Variants in POLE observed in about 807,000 individuals in gnomAD.
POLE encodes DNA polymerase epsilon, catalytic subunit, also known as DNA polymerase epsilon catalytic subunit A.
Under a neutral mutation model 279.2 loss-of-function variants are expected in POLE, and 188 were observed. The observed-to-expected ratio is 0.67, with a 90% CI of 0.60 to 0.76. The LOEUF (loss-of-function observed/expected upper bound fraction) is 0.76. Ranked by LOEUF, POLE falls within the 30% of genes least tolerant of loss-of-function variation. The pLI is 0.00. For synonymous variants in POLE, 1,214 were observed against 1,172.5 expected (o/e 1.04, Z -0.72); for missense variants, 2,703 against 3,016.7 (o/e 0.90, Z 2.44).
Position 132,657,869 on chromosome 12 carries a change from G to A in POLE, c.3377C>T (p.Ala1126Val), listed in dbSNP as rs373707446. 5.6e-6 allele frequency: 9 copies of A among 1,604,968 alleles called. No individual in the cohort carries two copies. The African/African-American group carries it at 9.3e-5, about 17-fold the overall frequency. ...GTAGAGAACGCAACTGGCACTCACTGCTCGAATATCAAAGTCTTGAAGGGA... is the reference window on the plus strand; with the variant it reads ...GTAGAGAACGCAACTGGCACTCACTACTCGAATATCAAAGTCTTGAAGGGA... ...SSSLQDFDIR[A>V]ILDWDYYIER... The change falls in exon 27 of 49, where the codon GCA becomes GTA. Residue 1126 changes from alanine (A) to valine (V), a missense_variant and splice_region_variant. By Grantham distance (64) the Ala-to-Val change is moderately conservative (BLOSUM62 0). Around this residue, in one of 5 missense-constraint regions of POLE, gnomAD observed 1,551 missense variants for 1,686.1 expected, o/e 0.92. Transcript: ENST00000320574.
intron 6 of POLE, 124 bp downstream of exon 6, chr12:132,679,370 AATT>A: frequency 1.2e-6 from 1 of 864,488 alleles, no homozygotes; most frequent in Non-Finnish European, 1.8e-6. Context: ...ATCTCTACCT[AATT>A]GCTCAAGTTT....
At chr12:132,638,702 C>A (rs1194405139) in intron 40 of POLE, 4 of 187,140 alleles carry the variant, frequency 2.1e-5, no homozygotes, top group Non-Finnish European at 4.5e-5. Context: ...GCAATTACCC[C>A]ACGGATCTAT....
Position 132,626,743 on chromosome 12 carries a change from AAG to A in POLE, c.6331-428_6331-427del, listed in dbSNP as rs559912017. Among the ~76,000 whole-genome samples the A allele has an allele frequency of 3.2e-3, 487 of 152,332 alleles. 1 individual carries two copies. The highest frequency in any genetic ancestry group is 5.7e-3 in the Non-Finnish European group (391 of 68,034). ...CGAAAAAAAGAATACATAATCCAGA[AAG>A]AGACTCACATAGATAAGGTTACTAA... On this transcript the variant is annotated intron_variant, in intron 45 of 48. Transcript: ENST00000320574.
Position 132,643,959 on chromosome 12 carries a change from G to A in POLE, c.4168C>T (p.Arg1390Cys), listed in dbSNP as rs768504121. ...SYRKVNRVLP[R>C]SNMVYNLYEY... ...TAGAGATTGTAGACCATGTTGGAGC[G>A]AGGAAGGACCCGATTTACCTGGCGA... Residue 1390 changes from arginine (R) to cysteine (C), a missense_variant, in exon 33 of 49, where the codon CGC (arginine) becomes TGC (cysteine). By Grantham distance (180) the Arg-to-Cys change is radical. Coordinates refer to ENST00000320574, the MANE Select transcript of POLE (RefSeq NM_006231.4). 7.9e-5 allele frequency: 127 copies of A among 1,613,364 alleles called. No homozygotes were observed. The highest frequency in any genetic ancestry group is 1.6e-4 in the Middle Eastern group (1 of 6,078).
chr12:132,624,563 C>A lies in POLE; in HGVS notation c.*134G>T. 1.4e-6 allele frequency: 1 copy of A among 705,760 alleles called. No homozygotes were observed. Among genetic ancestry groups the A allele is most frequent in the South Asian group, 1.6e-5 (1 of 63,614 alleles). 43.7% of individuals were successfully genotyped at this position (705,760 alleles called of 1,614,324 possible). A position where few individuals can be genotyped will look rare whatever the true frequency, so the allele number is the denominator to read the frequency against. On this transcript the variant is annotated 3_prime_UTR_variant, in exon 49 of 49. Transcript: ENST00000320574. ...GAAAATGGTTTTCTTTGGTTTCCTC[C>A]CCGTTCCCTGGCCTGGGGTCACAGG...
rs368789955 is a variant in POLE at position 132,668,862 on chromosome 12, G to A, written c.1872C>T (p.His624=). ...TGGGGTACATGGCCCCCACGTCCAG[G>A]TGGTAGATGAGTGGACACTCGATGC... The part of the protein sequence containing the change: ...PSRIECPLIY[H]LDVGAMYPNI... The change falls in exon 17 of 49, where the codon CAC becomes CAT. Residue 624 remains histidine, a synonymous_variant. Coordinates refer to ENST00000320574, the MANE Select transcript of POLE (RefSeq NM_006231.4). This position sits in a 1 kb window ranked among gnomAD's most constrained non-coding sequence, Gnocchi z 4.0. 1.9e-6 allele frequency: 3 copies of A among 1,613,992 alleles called. No homozygotes were observed. The highest frequency in any genetic ancestry group is 2.5e-6 in the Non-Finnish European group (3 of 1,179,974).
rs1031890585 is a variant in POLE, at chr12:132,675,235, G to C, written c.1226+163C>G. On this transcript the variant is annotated intron_variant, in intron 12 of 48. Coordinates refer to ENST00000320574, the MANE Select transcript of POLE (RefSeq NM_006231.4). This position sits in a 1 kb window ranked among gnomAD's most constrained non-coding sequence, Gnocchi z 4.3. ...TCAACAGTCAAAGACAGCACATCCC[G>C]GGCCCTGGCAGGGTTGCAGCTGCCA... Among the ~76,000 whole-genome samples, 3 of 152,192 alleles carry C rather than the reference G, an allele frequency of 2.0e-5. No homozygotes were observed. Among genetic ancestry groups the C allele is most frequent in the Admixed American group, 2.0e-4 (3 of 15,286 alleles).
At chr12:132,679,776 T>A in intron 5 of POLE, 125 bp from the exon 6 acceptor site, 1 of 1,172,328 alleles carries the variant, frequency 8.5e-7, no homozygotes, top group Non-Finnish European at 1.2e-6. Flanking sequence ...CTTGTCCAAC[T>A]CTGCACGTGG....
In POLE at chr12:132,642,646, C is replaced by G. The variant is rs1064794898; in HGVS notation, c.4812G>C (p.Glu1604Asp). The G allele has an allele frequency of 5.6e-6, 9 of 1,613,226 alleles. No homozygotes were observed. The highest frequency in any genetic ancestry group is 7.6e-6 in the Non-Finnish European group (9 of 1,180,050). ...CACAGATAGGCACCAGTGGGAATTC[C>G]TCCAAGACAGGAATTTCACTGGCCA... ...KRLASEIPVL[E>D]EFPLVPICVA... Residue 1604 changes from glutamate to aspartate, a missense_variant, in exon 37 of 49, where the codon GAG (glutamate) becomes GAC (aspartate). Coordinates refer to ENST00000320574, the MANE Select transcript of POLE (RefSeq NM_006231.4).
chr12:132,624,328 G>A lies in POLE; in HGVS notation c.*369C>T, dbSNP rs929351101. On this transcript the variant is annotated 3_prime_UTR_variant, in exon 49 of 49. Coordinates refer to ENST00000320574, the MANE Select transcript of POLE (RefSeq NM_006231.4). ...CCAGGGGCTTTTCCTCCCTCTGGGA[G>A]GCAGGACAAAGAACTAGGGGCACCT... The A allele has an allele frequency of 1.5e-5, 5 of 323,350 alleles. No homozygotes were observed. Among genetic ancestry groups the A allele is most frequent in the Non-Finnish European group, 2.9e-5 (5 of 172,438 alleles). 20.0% of individuals were successfully genotyped at this position (323,350 alleles called of 1,614,324 possible). A position where few individuals can be genotyped will look rare whatever the true frequency, so the allele number is the denominator to read the frequency against.
chr12:132,630,356 G>T (rs1392739260), intron 45 of POLE, among the ~76,000 whole-genome samples: 2 of 152,172 alleles, frequency 1.3e-5, no homozygotes, highest in Non-Finnish European at 2.9e-5. Context: ...TATGGACTTG[G>T]ATCTACAGCA....
intron 2 of POLE, 195 bp downstream of exon 2, chr12:132,680,942 AC>A (rs2043152993): frequency 1.5e-6 from 1 of 648,242 alleles, no homozygotes; most frequent in African/African-American, 1.8e-5. Context: ...GATGCCCATC[AC>A]CTCCGGCTTC....
intron 35 of POLE, 25 bp from the exon 36 acceptor site, chr12:132,643,021 C>T (rs1486483560): frequency 6.4e-7 from 1 of 1,568,282 alleles, no homozygotes; most frequent in Admixed American, 2.0e-5. Context: ...GCCACGTCAG[C>T]CTCCCCCTGC....
rs142968809 is a variant in POLE at position 132,685,735 on chromosome 12, C to G, written c.62+1519G>C. On this transcript the variant is annotated intron_variant, in intron 1 of 48. Transcript: ENST00000320574. ...ACCATGTAGACCCTAAGGGTACCTG[C>G]CTCTCTAGGGCTTGCCTGATATGGA... 7.9e-5 allele frequency among the ~76,000 whole-genome samples: 12 copies of G among 152,328 alleles called. 1 individual carries two copies. In the East Asian group the frequency reaches 2.1e-3, roughly 27 times the overall value.
chr12:132,670,522 T>TCCAGGCTGC (rs2042901650), intron 16 of POLE, among the ~76,000 whole-genome samples: 1 of 150,170 alleles, frequency 6.7e-6, no homozygotes, highest in Admixed American at 6.6e-5. Flanking sequence ...ATGCTGGGAT[T>TCCAGGCTGC]CCAGGCTGCC....
rs542163037 is a variant in POLE at position 132,626,615 on chromosome 12, T to C, written c.6331-298A>G. ...CCCATTCTATGAGGCCAGCATCCCC[T>C]GATACTAGAACCAAAGACCGTACTA... On this transcript the variant is annotated intron_variant, in intron 45 of 48. Coordinates refer to ENST00000320574, the MANE Select transcript of POLE (RefSeq NM_006231.4). Among the ~76,000 whole-genome samples, 6 of 118,298 alleles carry C rather than the reference T, an allele frequency of 5.1e-5. No individual in the cohort carries two copies. The South Asian group carries it at 1.5e-3, about 29-fold the overall frequency. The allele number at this position is 118,298 out of a possible 152,430, so 77.6% of individuals were successfully genotyped here. A position where few individuals can be genotyped will look rare whatever the true frequency, so the allele number is the denominator to read the frequency against.
chr12:132,624,482 G>A lies in POLE; in HGVS notation c.*215C>T, dbSNP rs2041789358. ...CACGGCCTGCTTCTTCAGGTGCTCT[G>A]GCGAGGCCAGGGCCACATCCTGCTC... On this transcript the variant is annotated 3_prime_UTR_variant, in exon 49 of 49. Transcript: ENST00000320574. 1.7e-6 allele frequency: 1 copy of A among 592,000 alleles called. No individual in the cohort carries two copies. The highest frequency in any genetic ancestry group is 1.9e-5 in the African/African-American group (1 of 53,766). 36.7% of individuals were successfully genotyped at this position (592,000 alleles called of 1,614,324 possible).
At chr12:132,655,589 C>A (rs1288096592) in intron 29 of POLE, among the ~76,000 whole-genome samples, 1 of 152,108 alleles carries the variant, frequency 6.6e-6, no homozygotes, top group Non-Finnish European at 1.5e-5. Flanking sequence ...ATCTCCCAAA[C>A]TGATTGGAGG....
intron 43 of POLE, chr12:132,633,862 T>C (rs2041982809): frequency 4.0e-6 from 1 of 251,466 alleles, no homozygotes; most frequent in Non-Finnish European, 7.6e-6. Flanking sequence ...CCTGGGAATG[T>C]ATGTGACTGA....
Sources: allele counts gnomAD v4.1 joint callset (sites outside exome capture counted in the v4.1 genomes callset), GRCh38; gene constraint gnomAD v4.1.1; regional missense constraint gnomAD v4.1.1; non-coding constraint Gnocchi (gnomAD v3.1); transcripts MANE v1.5; gene names NCBI Gene and HGNC (gene_info 2026-07-23, HGNC 2026-07-21).